The following DNM1L variants were observed in gnomAD, a reference collection of about 807,000 sequenced individuals.
DNM1L encodes the protein dynamin 1L.
In DNM1L, 33 loss-of-function variants were observed where a neutral mutation model predicts 92.8. The ratio of observed to expected loss-of-function variants is 0.36; its 90% CI spans 0.27 to 0.48. The LOEUF (loss-of-function observed/expected upper bound fraction) is 0.48, where lower values mean the gene tolerates loss of function less well. DNM1L is among the 20% of genes least tolerant of loss of function. DNM1L has a pLI of 0.99. For synonymous variants in DNM1L, 284 were observed against 305.0 expected, an observed-to-expected ratio of 0.93 and a Z score of 0.72; for missense variants, 485 against 888.8, an observed-to-expected ratio of 0.55 and a Z score of 5.78.
chr12:32,684,754 C>G (rs1443699626), intron 1 of DNM1L, among the ~76,000 whole-genome samples: 1 of 152,200 alleles, frequency 6.6e-6, no homozygotes. Flanking sequence ...TAGGCATGAG[C>G]CACTCAACAT....
chr12:32,711,366 G>T lies in DNM1L; in HGVS notation c.456+351G>T, dbSNP rs78830244. On this transcript the variant is annotated intron_variant, in intron 5 of 19. Coordinates refer to ENST00000549701, the MANE Select transcript of DNM1L (RefSeq NM_012062.5). Reference sequence around the variant, plus strand: ...CATCAGATTTTATGGCTTTAACTACGTAAGGCTCTGTATATTGACGGCATT... The same window carrying T: ...CATCAGATTTTATGGCTTTAACTACTTAAGGCTCTGTATATTGACGGCATT... 7.6e-3 allele frequency: 1,994 copies of T among 263,874 alleles called. 37 individuals carry two copies. The highest frequency in any genetic ancestry group is 0.042 in the African/African-American group (1,888 of 44,676). The allele number at this position is 263,874 out of a possible 1,614,324, so 16.3% of individuals were successfully genotyped here.
rs779974994 is a variant in DNM1L, at chr12:32,743,511, A to G, written c.*101A>G. 5 of 1,135,280 alleles carry G rather than the reference A, an allele frequency of 4.4e-6. No homozygotes were observed. Among genetic ancestry groups the G allele is most frequent in the Middle Eastern group, 2.0e-4 (1 of 5,128 alleles). The allele number at this position is 1,135,280 out of a possible 1,614,324, so 70.3% of individuals were successfully genotyped here. A position where few individuals can be genotyped will look rare whatever the true frequency, so the allele number is the denominator to read the frequency against. The stretch of plus-strand genomic sequence containing the variant: ...ATGAACTCCTGTGTATTGCAATGGT[A>G]TGAATCTGCTCATGTGGAGACTGGC... On this transcript the variant is annotated 3_prime_UTR_variant, in exon 20 of 20. Transcript: ENST00000549701.
At chr12:32,717,972 ATATAGTATATATAGTATG>A (rs1252058370) in intron 6 of DNM1L, among the ~76,000 whole-genome samples, 2 of 101,396 alleles carry the variant, frequency 2.0e-5, no homozygotes, top group African/African-American at 9.0e-5. Context: ...TATATATTAT[ATATAGTATATATAGTATG>A]TATAGTATAT....
intron 1 of DNM1L, among the ~76,000 whole-genome samples, chr12:32,698,165 T>G (rs1952548974): frequency 6.6e-6 from 1 of 152,224 alleles, no homozygotes. Flanking sequence ...AGACATGTCT[T>G]ATATTCCTCA....
chr12:32,717,372 ATACTATATAT>A (rs1953483094), intron 6 of DNM1L, among the ~76,000 whole-genome samples: 1 of 81,826 alleles, frequency 1.2e-5, no homozygotes, highest in Non-Finnish European at 2.2e-5. Flanking sequence ...TATAATATAT[ATACTATATAT>A]AATATATAGT....
intron 1 of DNM1L, among the ~76,000 whole-genome samples, chr12:32,692,278 T>C (rs1952263347): frequency 6.6e-6 from 1 of 152,160 alleles, no homozygotes; most frequent in Non-Finnish European, 1.5e-5. Flanking sequence ...TGCTGGGATC[T>C]CAGGAATAGC....
chr12:32,744,812 T>G lies in DNM1L; in HGVS notation c.*1402T>G. On this transcript the variant is annotated 3_prime_UTR_variant, in exon 20 of 20. Coordinates refer to ENST00000549701, the MANE Select transcript of DNM1L (RefSeq NM_012062.5). ...TGGGGTAGTGATGAGGTTTAGAACA[T>G]ATACATATTTTGTTAAAATTCCCCA... is the stretch of plus-strand genomic sequence containing the variant. The G allele has an allele frequency of 4.3e-6, 2 of 468,968 alleles. No individual in the cohort carries two copies. Among genetic ancestry groups the G allele is most frequent in the Non-Finnish European group, 8.6e-6 (2 of 232,930 alleles). 29.1% of individuals were successfully genotyped at this position (468,968 alleles called of 1,614,324 possible).
intron 9 of DNM1L, among the ~76,000 whole-genome samples, chr12:32,723,654 A>C (rs1156443992): frequency 6.7e-6 from 1 of 148,692 alleles, no homozygotes; most frequent in Non-Finnish European, 1.5e-5. Context: ...AGATGGTGCC[A>C]CTGCACTCCA....
At chr12:32,681,855 C>CCAGAATA (rs1565966232) in intron 1 of DNM1L, among the ~76,000 whole-genome samples, 1 of 151,808 alleles carries the variant, frequency 6.6e-6, no homozygotes, top group Non-Finnish European at 1.5e-5. Context: ...TATAAATTAG[C>CCAGAATA]CAGGTGCTAT....
At chr12:32,704,684 A>T (rs1289397798) in intron 2 of DNM1L, among the ~76,000 whole-genome samples, 2 of 152,212 alleles carry the variant, frequency 1.3e-5, no homozygotes, top group Non-Finnish European at 2.9e-5. Context: ...AAAAAGCAGT[A>T]AAATTACACA....
chr12:32,701,240 C>T lies in DNM1L; in HGVS notation c.103-175C>T, dbSNP rs200780936. On this transcript the variant is annotated intron_variant, in intron 1 of 19. Transcript: ENST00000549701. ...GCAGTGAGCCGAGATCGTGCCATTG[C>T]ACTCCAGCCTAGCCAACAAGAGCGA... is the stretch of plus-strand genomic sequence containing the variant. Among the ~76,000 whole-genome samples, 35 of 150,954 alleles carry T rather than the reference C, an allele frequency of 2.3e-4. 1 individual carries two copies. In the East Asian group the frequency reaches 6.8e-3, roughly 29 times the overall value.
intron 1 of DNM1L, among the ~76,000 whole-genome samples, chr12:32,700,683 C>CTGCA (rs895289216): frequency 6.6e-6 from 1 of 151,920 alleles, no homozygotes; most frequent in African/African-American, 2.4e-5. Flanking sequence ...GAGGTCAAGG[C>CTGCA]TGCAATAAGC....
intron 1 of DNM1L, among the ~76,000 whole-genome samples, chr12:32,699,538 C>A (rs1200481538): frequency 2.0e-5 from 3 of 151,870 alleles, no homozygotes; most frequent in Admixed American, 2.0e-4. Context: ...AGCAAAGATT[C>A]AAAAAACAAT....
intron 2 of DNM1L, among the ~76,000 whole-genome samples, chr12:32,702,191 G>A (rs1244271276): frequency 3.7e-5 from 5 of 135,088 alleles, no homozygotes; most frequent in African/African-American, 1.2e-4. Flanking sequence ...CTGAGATCAC[G>A]CCACTGCACT....
chr12:32,680,876 TAGTA>T (rs1250037677), intron 1 of DNM1L, among the ~76,000 whole-genome samples: 7 of 152,196 alleles, frequency 4.6e-5, no homozygotes, highest in Admixed American at 1.3e-4. Context: ...AAGTCTTTGA[TAGTA>T]AGTGATTCAG....
At chr12:32,715,472 C>T (rs1313578447) in intron 6 of DNM1L, among the ~76,000 whole-genome samples, 1 of 152,068 alleles carries the variant, frequency 6.6e-6, no homozygotes, top group East Asian at 1.9e-4. Context: ...GTGGCTCACA[C>T]TTGTAATCCC....
chr12:32,743,303 A>T (rs756562657), intron 19 of DNM1L, 51 bp from the exon 20 acceptor site: 33 of 1,531,116 alleles, frequency 2.2e-5, no homozygotes, highest in African/African-American at 2.8e-5. Context: ...AATTCAGATT[A>T]ATTTCATAAC....
At chr12:32,693,487 T>G (rs1952308247) in intron 1 of DNM1L, among the ~76,000 whole-genome samples, 2 of 152,200 alleles carry the variant, frequency 1.3e-5, no homozygotes, top group South Asian at 4.1e-4. Context: ...GTACATTTTG[T>G]ATATTGTTTA....
At position 32,701,447 on chromosome 12, in the gene DNM1L, G is replaced by C. The variant is rs1451295011; in HGVS notation, c.135G>C (p.Leu45=). The C allele has an allele frequency of 3.1e-6, 5 of 1,614,028 alleles. No individual in the cohort carries two copies. Among genetic ancestry groups the C allele is most frequent in the Non-Finnish European group, 4.2e-6 (5 of 1,179,926 alleles). ...SSGKSSVLES[L]VGRDLLPRGT... ...GAAAGAGCTCAGTGCTAGAAAGCCT[G>C]GTGGGGAGGGACCTGCTTCCCAGAG... The change falls in exon 2 of 20, where the codon CTG becomes CTC. Residue 45 remains leucine (L), a synonymous_variant. Coordinates refer to ENST00000549701, the MANE Select transcript of DNM1L (RefSeq NM_012062.5).
Sources: gnomAD v4.1 joint callset for allele counts (sites outside exome capture counted in the v4.1 genomes callset) on GRCh38, gnomAD v4.1.1 for gene constraint, MANE v1.5 for transcripts, NCBI Gene and HGNC (gene_info 2026-07-23, HGNC 2026-07-21) for gene names.